Variants in CDK8 observed in about 807,000 individuals in gnomAD.
The protein encoded by CDK8 is cyclin dependent kinase 8.
CDK8 carries 29 observed loss-of-function variants against 71.5 expected under a neutral mutation model. The observed-to-expected ratio is 0.41, with a 90% CI of 0.30 to 0.55. CDK8 has a LOEUF of 0.55. CDK8 is among the 20% of genes least tolerant of loss of function. The probability of loss-of-function intolerance (pLI) is 0.37; values close to 1 mark genes in which losing one functional copy is unlikely to be tolerated. For synonymous variants in CDK8, 161 were observed against 192.1 expected (o/e 0.84, Z 1.34); for missense variants, 288 against 572.6 (o/e 0.50, Z 5.07).
intron 1 of CDK8, among the ~76,000 whole-genome samples, chr13:26,288,647 A>G (rs1247516957): frequency 6.6e-6 from 1 of 151,962 alleles, no homozygotes; most frequent in Non-Finnish European, 1.5e-5. Flanking sequence ...GTTGCTTTGA[A>G]TCTGTTGATA....
intron 1 of CDK8, among the ~76,000 whole-genome samples, chr13:26,309,974 T>C (rs1364056908): frequency 2.0e-5 from 3 of 152,128 alleles, no homozygotes; most frequent in Non-Finnish European, 4.4e-5. Context: ...CAGGCTGGTC[T>C]CGAACTTCTG....
intron 2 of CDK8, among the ~76,000 whole-genome samples, chr13:26,345,573 G>C (rs1873429900): frequency 6.6e-6 from 1 of 152,020 alleles, no homozygotes; most frequent in Non-Finnish European, 1.5e-5. Flanking sequence ...AGTAGAGATG[G>C]GGTTTCACCA....
Position 26,323,089 on chromosome 13 carries a change from C to G in CDK8, c.129-14478C>G, listed in dbSNP as rs187743257. The stretch of plus-strand genomic sequence containing the variant: ...GGCATATTGTCATTGTCAGTCTGTA[C>G]AAGGTCCTACTTTGTTCTTCATTTT... On this transcript the variant is annotated intron_variant, in intron 1 of 12. Coordinates refer to ENST00000381527, the MANE Select transcript of CDK8 (RefSeq NM_001260.3). 7.3e-4 allele frequency among the ~76,000 whole-genome samples: 111 copies of G among 152,252 alleles called. 3 individuals are homozygous for G. The highest frequency in any genetic ancestry group is 7.3e-3 in the Admixed American group (111 of 15,282).
At chr13:26,266,218 T>G (rs1433447293) in intron 1 of CDK8, among the ~76,000 whole-genome samples, 1 of 152,200 alleles carries the variant, frequency 6.6e-6, no homozygotes, top group Non-Finnish European at 1.5e-5. Context: ...TGAGAAGAAA[T>G]GTGCATTAGG....
rs368121317 is a variant in CDK8, at chr13:26,319,409, C to T, written c.129-18158C>T. 2.0e-4 allele frequency among the ~76,000 whole-genome samples: 31 copies of T among 151,308 alleles called. No homozygotes were observed. The East Asian group carries it at 4.9e-3, about 24-fold the overall frequency. On this transcript the variant is annotated intron_variant, in intron 1 of 12. Coordinates refer to ENST00000381527, the MANE Select transcript of CDK8 (RefSeq NM_001260.3). ...GCTTGAACTCGGGAGGCGGAGGTTG[C>T]AGTGAGCCAAGATCATGCCATTGCA...
At chr13:26,291,710 T>A (rs1182169490) in intron 1 of CDK8, among the ~76,000 whole-genome samples, 1 of 152,242 alleles carries the variant, frequency 6.6e-6, no homozygotes, top group Non-Finnish European at 1.5e-5. Flanking sequence ...TGCAATTTGC[T>A]ATCATGGTAC....
Position 26,328,251 on chromosome 13 carries a change from A to G in CDK8, c.129-9316A>G, listed in dbSNP as rs143961905. ...TTTAAGATAATTAAATCTTAGACCT[A>G]CACATTAGCCTTTAGGTAATTCACA... On this transcript the variant is annotated intron_variant, in intron 1 of 12. Coordinates refer to ENST00000381527, the MANE Select transcript of CDK8 (RefSeq NM_001260.3). 3.9e-3 allele frequency among the ~76,000 whole-genome samples: 598 copies of G among 152,348 alleles called. 13 individuals are homozygous for G. Among genetic ancestry groups the G allele is most frequent in the Admixed American group, 0.035 (536 of 15,300 alleles).
intron 1 of CDK8, among the ~76,000 whole-genome samples, chr13:26,271,030 C>T (rs992339747): frequency 6.6e-6 from 1 of 152,078 alleles, no homozygotes; most frequent in Non-Finnish European, 1.5e-5. Flanking sequence ...TAAATGGTAT[C>T]TTATTGTGGT....
chr13:26,273,592 C>G (rs956049690), intron 1 of CDK8, among the ~76,000 whole-genome samples: 13 of 151,780 alleles, frequency 8.6e-5, no homozygotes, highest in African/African-American at 3.1e-4. Flanking sequence ...CACAGTTTAA[C>G]TTTTTCTGTG....
chr13:26,280,110 CATG>C (rs1872685157), intron 1 of CDK8, among the ~76,000 whole-genome samples: 1 of 152,110 alleles, frequency 6.6e-6, no homozygotes, highest in Non-Finnish European at 1.5e-5. Context: ...TTTTTCAAAA[CATG>C]ATTTTTAATG....
intron 1 of CDK8, among the ~76,000 whole-genome samples, chr13:26,334,787 C>T (rs998313509): frequency 2.6e-5 from 4 of 152,106 alleles, no homozygotes; most frequent in African/African-American, 9.7e-5. Flanking sequence ...GTCTTACTAC[C>T]GAAGTCTCCA....
intron 1 of CDK8, among the ~76,000 whole-genome samples, chr13:26,280,501 A>C (rs1356721463): frequency 6.6e-6 from 1 of 152,220 alleles, no homozygotes; most frequent in East Asian, 1.9e-4. Context: ...CTATGATTAA[A>C]GCCATTCCAG....
chr13:26,339,413 T>A (rs1873130447), intron 2 of CDK8, among the ~76,000 whole-genome samples: 1 of 152,026 alleles, frequency 6.6e-6, no homozygotes, highest in Admixed American at 6.6e-5. Context: ...AAGTATACAT[T>A]TGGACTGTAT....
chr13:26,388,227 CAGTT>C (rs1394123211), intron 6 of CDK8, among the ~76,000 whole-genome samples: 2 of 152,130 alleles, frequency 1.3e-5, no homozygotes. Context: ...AAAAATAAGT[CAGTT>C]AGATATGGGA....
At chr13:26,309,358 C>G (rs1874182876) in intron 1 of CDK8, among the ~76,000 whole-genome samples, 1 of 152,144 alleles carries the variant, frequency 6.6e-6, no homozygotes, top group South Asian at 2.1e-4. Flanking sequence ...CTAGGATGGT[C>G]TCGATCTCCT....
intron 1 of CDK8, among the ~76,000 whole-genome samples, chr13:26,269,545 ATTG>A (rs1872195893): frequency 6.7e-6 from 1 of 150,080 alleles, no homozygotes; most frequent in Admixed American, 6.6e-5. Flanking sequence ...TTCTCTTTAG[ATTG>A]TTTTTTTTTT....
chr13:26,332,229 A>G (rs1000296821), intron 1 of CDK8, among the ~76,000 whole-genome samples: 1 of 151,844 alleles, frequency 6.6e-6, no homozygotes, highest in African/African-American at 2.4e-5. Context: ...GGTTTTTTTT[A>G]ATACAAGATC....
intron 5 of CDK8, 51 bp downstream of exon 5, chr13:26,382,922 G>T (rs1035324698): frequency 4.1e-6 from 5 of 1,226,252 alleles, no homozygotes; most frequent in Non-Finnish European, 5.8e-6. Flanking sequence ...TAAAACTTTT[G>T]CAGGCAGCTA....
chr13:26,336,942 T>C (rs1228317197), intron 1 of CDK8, among the ~76,000 whole-genome samples: 1 of 152,122 alleles, frequency 6.6e-6, no homozygotes, highest in Non-Finnish European at 1.5e-5. Context: ...CTTATCATAT[T>C]GTATTATGGT....
Sources: gnomAD v4.1 joint callset for allele counts (sites outside exome capture counted in the v4.1 genomes callset) on GRCh38, gnomAD v4.1.1 for gene constraint, MANE v1.5 for transcripts, NCBI Gene and HGNC (gene_info 2026-07-23, HGNC 2026-07-21) for gene names.